Variants in TANK observed in about 807,000 individuals in gnomAD.
TANK encodes TRAF family member-associated NF-kappa-B activator.
In TANK, 15 loss-of-function variants were observed where a neutral mutation model predicts 43.6. The observed-to-expected ratio is 0.34, with a 90% CI of 0.23 to 0.53. The LOEUF is 0.53. Ranked by LOEUF, TANK falls within the 20% of genes least tolerant of loss-of-function variation. The pLI is 0.94. For missense variants in TANK, 417 were observed against 498.6 expected (o/e 0.84, Z 1.56); for synonymous variants, 162 against 178.2 (o/e 0.91, Z 0.73).
chr2:161,182,593 C>T (rs552910166), intron 2 of TANK, among the ~76,000 whole-genome samples: 268 of 152,198 alleles, frequency 1.8e-3, no homozygotes, highest in African/African-American at 6.2e-3. Flanking sequence ...AGTTGGGGTG[C>T]ACTACCCTCC....
intron 1 of TANK, chr2:161,139,724 T>C (rs1483824828): frequency 1.7e-5 from 17 of 985,258 alleles, no homozygotes; most frequent in Non-Finnish European, 1.9e-5. Context: ...ATAATTCTGT[T>C]CCCAACTCAA....
chr2:161,161,134 T>C (rs1684413696), intron 1 of TANK: 1 of 1,334,144 alleles, frequency 7.5e-7, no homozygotes, highest in Non-Finnish European at 1.0e-6. Context: ...GTAAACTGAC[T>C]AGCAACGAGT....
chr2:161,205,102 A>G (rs1686588978), intron 4 of TANK: 1 of 496,270 alleles, frequency 2.0e-6, no homozygotes, highest in Middle Eastern at 8.1e-4. Context: ...AGGAGGGAGG[A>G]TCACTTGAGC....
intron 4 of TANK, among the ~76,000 whole-genome samples, chr2:161,222,101 C>T (rs1472103755): frequency 1.3e-5 from 2 of 152,082 alleles, no homozygotes; most frequent in African/African-American, 2.4e-5. Flanking sequence ...CTCTTCATCC[C>T]CATTAGTTTT....
intron 4 of TANK, among the ~76,000 whole-genome samples, chr2:161,211,429 CTGTATGT>C (rs1686882933): frequency 6.6e-6 from 1 of 152,120 alleles, no homozygotes; most frequent in South Asian, 2.1e-4. Flanking sequence ...TGTTAAGTTG[CTGTATGT>C]TGTCCAGGTA....
chr2:161,232,543 T>C (rs1028734005), intron 7 of TANK, among the ~76,000 whole-genome samples: 1 of 152,234 alleles, frequency 6.6e-6, no homozygotes, highest in Admixed American at 6.5e-5. Flanking sequence ...GTTTTAATTA[T>C]AACCTCACTT....
chr2:161,140,405 G>A (rs1183266719), intron 1 of TANK, among the ~76,000 whole-genome samples: 1 of 151,802 alleles, frequency 6.6e-6, no homozygotes, highest in South Asian at 2.1e-4. Context: ...GTATTCCCTT[G>A]AACTTTTTAA....
chr2:161,207,397 T>C (rs1686699626), intron 4 of TANK: 4 of 974,616 alleles, frequency 4.1e-6, no homozygotes, highest in Non-Finnish European at 4.9e-6. Flanking sequence ...ATACTTTGAA[T>C]AGTTCATCAA....
In TANK at chr2:161,211,757, G is replaced by A. The variant is rs2105359641; in HGVS notation, c.327+6964G>A. 8 of 985,126 alleles carry A rather than the reference G, an allele frequency of 8.1e-6. No homozygotes were observed. In the South Asian group the frequency reaches 3.8e-4, roughly 46 times the overall value. The allele number at this position is 985,126 out of a possible 1,614,324, so 61.0% of individuals were successfully genotyped here. On this transcript the variant is annotated intron_variant, in intron 4 of 7. Coordinates refer to ENST00000392749, the MANE Select transcript of TANK (RefSeq NM_001199135.3). ...TACAGAAATGGTGATTATGCACACT[G>A]TACAATGGCACAGGCCAATGTAGGC...
At chr2:161,190,767 A>G (rs1685879424) in intron 2 of TANK, among the ~76,000 whole-genome samples, 1 of 152,148 alleles carries the variant, frequency 6.6e-6, no homozygotes, top group Admixed American at 6.6e-5. Context: ...AAAGACAGAA[A>G]GTAGAAGGGT....
chr2:161,148,092 A>G (rs182913408), intron 1 of TANK, among the ~76,000 whole-genome samples: 1 of 152,300 alleles, frequency 6.6e-6, no homozygotes, highest in East Asian at 1.9e-4. Context: ...ATTTTAAGGA[A>G]CTGGCAAATT....
intron 4 of TANK, among the ~76,000 whole-genome samples, chr2:161,209,779 C>A (rs1686798542): frequency 1.3e-5 from 2 of 152,098 alleles, no homozygotes; most frequent in South Asian, 4.1e-4. Context: ...ATTCTGAATT[C>A]ATGATGTATA....
intron 2 of TANK, chr2:161,180,239 A>G (rs1179940013): frequency 8.3e-6 from 4 of 484,270 alleles, no homozygotes; most frequent in Non-Finnish European, 1.1e-5. Flanking sequence ...AAAGTAGACT[A>G]TTTCAGTGAA....
At chr2:161,155,308 A>G (rs1419614974) in intron 1 of TANK, among the ~76,000 whole-genome samples, 1 of 152,064 alleles carries the variant, frequency 6.6e-6, no homozygotes, top group Non-Finnish European at 1.5e-5. Flanking sequence ...TTTATATCTT[A>G]TGTGTCAAAA....
intron 1 of TANK, among the ~76,000 whole-genome samples, chr2:161,167,555 A>G (rs1213000040): frequency 6.6e-6 from 1 of 152,146 alleles, no homozygotes; most frequent in East Asian, 1.9e-4. Context: ...CCTTGGACAC[A>G]CTTCCAGGTT....
intron 1 of TANK, among the ~76,000 whole-genome samples, chr2:161,176,512 C>T (rs985387991): frequency 6.6e-6 from 1 of 152,080 alleles, no homozygotes; most frequent in African/African-American, 2.4e-5. Flanking sequence ...AATTCAAGGA[C>T]CTGAAGGGAT....
intron 2 of TANK, among the ~76,000 whole-genome samples, chr2:161,199,262 T>C (rs1686297180): frequency 6.6e-6 from 1 of 152,004 alleles, no homozygotes; most frequent in Admixed American, 6.6e-5. Flanking sequence ...TTTTTTTCAA[T>C]CCACTCAACA....
chr2:161,211,712 A>G (rs995946720), intron 4 of TANK: 2 of 976,848 alleles, frequency 2.0e-6, no homozygotes, highest in Non-Finnish European at 2.4e-6. Flanking sequence ...TTAATGTTTA[A>G]TCTTTTCTAT....
chr2:161,173,394 C>T (rs1685038071), intron 1 of TANK, among the ~76,000 whole-genome samples: 1 of 152,164 alleles, frequency 6.6e-6, no homozygotes, highest in African/African-American at 2.4e-5. Context: ...CTTGTTGAAA[C>T]TCTTCTCATC....
Sources: allele counts gnomAD v4.1 joint callset (sites outside exome capture counted in the v4.1 genomes callset), GRCh38; gene constraint gnomAD v4.1.1; transcripts MANE v1.5; gene names NCBI Gene and HGNC (gene_info 2026-07-23, HGNC 2026-07-21).